Variants in RBFOX1 observed in about 807,000 individuals in gnomAD.
RBFOX1 encodes RNA binding protein fox-1 homolog 1.
Under a neutral mutation model 57.7 loss-of-function variants are expected in RBFOX1, and 8 were observed. The observed-to-expected ratio is 0.14, with a 90% CI of 0.08 to 0.25. The LOEUF is 0.25. RBFOX1 is among the 10% of genes least tolerant of loss of function. The pLI is 1.00. For synonymous variants in RBFOX1, 326 were observed against 222.4 expected, an observed-to-expected ratio of 1.47 and a Z score of -4.15; for missense variants, 611 against 548.5, an observed-to-expected ratio of 1.11 and a Z score of -1.14.
At chr16:6,712,857 G>A (rs1215047417) in intron 3 of RBFOX1, among the ~76,000 whole-genome samples, 2 of 147,938 alleles carry the variant, frequency 1.4e-5, no homozygotes, top group Non-Finnish European at 3.0e-5. Context: ...GAGGGACCCA[G>A]TGGGAGGTAA....
chr16:6,485,376 C>T (rs138442632), intron 2 of RBFOX1, among the ~76,000 whole-genome samples: 1 of 152,022 alleles, frequency 6.6e-6, no homozygotes, highest in Admixed American at 6.6e-5. Flanking sequence ...CTCTTGGTCT[C>T]CCTCTGGGTA....
intron 4 of RBFOX1, among the ~76,000 whole-genome samples, chr16:7,269,196 C>A (rs536281422): frequency 6.6e-6 from 1 of 152,102 alleles, no homozygotes; most frequent in South Asian, 2.1e-4. Flanking sequence ...ATATACAGCA[C>A]GTTGGTGACT....
intron 3 of RBFOX1, among the ~76,000 whole-genome samples, chr16:7,037,505 CAGTG>C (rs1568477040): frequency 6.6e-6 from 1 of 152,124 alleles, no homozygotes; most frequent in African/African-American, 2.4e-5. Flanking sequence ...TCTAAGGAAA[CAGTG>C]AGGCACGTCC....
At chr16:6,260,516 T>C (rs2097695361) in intron 1 of RBFOX1, among the ~76,000 whole-genome samples, 3 of 152,208 alleles carry the variant, frequency 2.0e-5, no homozygotes, top group Non-Finnish European at 2.9e-5. Context: ...CCATAGGTTT[T>C]AATTAAAAGC....
chr16:5,781,945 C>A (rs575204769), intron 3 of RBFOX1, among the ~76,000 whole-genome samples: 1 of 152,228 alleles, frequency 6.6e-6, no homozygotes, highest in African/African-American at 2.4e-5. Context: ...GTGGTTCATG[C>A]CTGTAATCCC....
At chr16:5,254,273 G>C (rs1184755123) in intron 1 of RBFOX1, among the ~76,000 whole-genome samples, 2 of 152,162 alleles carry the variant, frequency 1.3e-5, no homozygotes, top group Non-Finnish European at 2.9e-5. Context: ...CTTCACCATG[G>C]TTCTTCTCTC....
At chr16:7,513,637 C>T (rs2075706098) in intron 4 of RBFOX1, among the ~76,000 whole-genome samples, 2 of 152,142 alleles carry the variant, frequency 1.3e-5, no homozygotes, top group Non-Finnish European at 2.9e-5. Flanking sequence ...ACAAAACTGT[C>T]TCCAGTCATT....
intron 3 of RBFOX1, among the ~76,000 whole-genome samples, chr16:6,844,586 T>C (rs1433228606): frequency 2.0e-5 from 3 of 152,180 alleles, no homozygotes; most frequent in South Asian, 4.1e-4. Context: ...GTCTTTGTCA[T>C]TGATGGGCAT....
chr16:6,819,610 C>T, intron 3 of RBFOX1, among the ~76,000 whole-genome samples: 1 of 142,738 alleles, frequency 7.0e-6, no homozygotes, highest in Non-Finnish European at 1.5e-5. Flanking sequence ...GAGGCTGAGG[C>T]AGGAGAATTG....
intron 1 of RBFOX1, among the ~76,000 whole-genome samples, chr16:6,107,164 G>C (rs1262268288): frequency 6.6e-6 from 1 of 152,032 alleles, no homozygotes; most frequent in Non-Finnish European, 1.5e-5. Flanking sequence ...TGTTTTTTTA[G>C]TTATGGGCCT....
intron 4 of RBFOX1, among the ~76,000 whole-genome samples, chr16:7,388,020 C>A (rs571700998): frequency 2.7e-4 from 41 of 151,674 alleles, no homozygotes; most frequent in African/African-American, 8.9e-4. Flanking sequence ...CAAAACAAAA[C>A]AAAATATCCT....
intron 3 of RBFOX1, among the ~76,000 whole-genome samples, chr16:6,730,994 A>T (rs1289898127): frequency 6.6e-6 from 1 of 152,158 alleles, no homozygotes; most frequent in Non-Finnish European, 1.5e-5. Context: ...TGTTAGTATC[A>T]TTGATGTCAG....
intron 2 of RBFOX1, among the ~76,000 whole-genome samples, chr16:5,533,466 C>A (rs892729137): frequency 5.3e-5 from 8 of 152,102 alleles, no homozygotes; most frequent in Non-Finnish European, 1.2e-4. Flanking sequence ...CTTGCTTGAA[C>A]ACACATTTTT....
intron 3 of RBFOX1, among the ~76,000 whole-genome samples, chr16:5,728,976 G>A (rs942824213): frequency 6.6e-6 from 1 of 152,208 alleles, no homozygotes; most frequent in South Asian, 2.1e-4. Flanking sequence ...TACCTGCATA[G>A]CCCTGGCTCC....
intron 1 of RBFOX1, among the ~76,000 whole-genome samples, chr16:6,123,797 C>A (rs1365942838): frequency 6.6e-6 from 1 of 152,108 alleles, no homozygotes. Context: ...CCCAGCTCCT[C>A]AGGAGGCTGA....
intron 3 of RBFOX1, among the ~76,000 whole-genome samples, chr16:5,760,076 G>C (rs2053540609): frequency 6.6e-6 from 1 of 151,462 alleles, no homozygotes. Flanking sequence ...GTAAATAGCA[G>C]GAAATTTTTG....
intron 1 of RBFOX1, among the ~76,000 whole-genome samples, chr16:6,141,187 C>G (rs9936304): frequency 0.031 from 4,777 of 152,312 alleles, 266 homozygotes; most frequent in African/African-American, 0.11. Flanking sequence ...AGCCCATCAC[C>G]ATGGCCGCTG....
chr16:6,718,333 A>C (rs1443324032), intron 3 of RBFOX1, among the ~76,000 whole-genome samples: 1 of 152,212 alleles, frequency 6.6e-6, no homozygotes, highest in Non-Finnish European at 1.5e-5. Context: ...AATACACTAC[A>C]ACTTGTATAT....
Position 6,666,729 on chromosome 16 carries a change from C to A in RBFOX1, c.-16+12079C>A, listed in dbSNP as rs149302209. 2.0e-5 allele frequency among the ~76,000 whole-genome samples: 3 copies of A among 152,230 alleles called. No homozygotes were observed. In the South Asian group the frequency reaches 6.2e-4, roughly 32 times the overall value. On this transcript the variant is annotated intron_variant, in intron 3 of 15. Coordinates refer to ENST00000550418, the MANE Select transcript of RBFOX1 (RefSeq NM_018723.4). ...CTCCTCATGCTCAGGGCCTGACACA[C>A]AGGTAAACGGTGACTTACGAGAGTT...
Sources: gnomAD v4.1 joint callset for allele counts (sites outside exome capture counted in the v4.1 genomes callset) on GRCh38, gnomAD v4.1.1 for gene constraint, MANE v1.5 for transcripts, NCBI Gene and HGNC (gene_info 2026-07-23, HGNC 2026-07-21) for gene names.